Variants in TPD52 observed in about 807,000 individuals in gnomAD.
The protein encoded by TPD52 is tumor protein D52, also known as prostate and colon associated protein.
A neutral mutation model predicts 31.3 loss-of-function variants in TPD52; 17 were observed. That is an observed-to-expected ratio of 0.54 (90% CI 0.37 to 0.82). TPD52 has a LOEUF of 0.82. TPD52 is among the 40% of genes least tolerant of loss of function. The pLI, the probability that TPD52 is intolerant of heterozygous loss-of-function variation, is 0.00. For synonymous variants in TPD52, 83 were observed against 89.6 expected, an observed-to-expected ratio of 0.93 and a Z score of 0.42; for missense variants, 212 against 240.1, an observed-to-expected ratio of 0.88 and a Z score of 0.77.
intron 3 of TPD52, among the ~76,000 whole-genome samples, chr8:80,052,306 C>CA (rs1454721326): frequency 1.3e-5 from 2 of 151,900 alleles, no homozygotes; most frequent in Admixed American, 6.6e-5. Flanking sequence ...AAAGCAAAAA[C>CA]AAAAAAATGA....
rs1809894963 is a variant in TPD52 at position 80,036,208 on chromosome 8, T to C, written c.*1908A>G. On this transcript the variant is annotated 3_prime_UTR_variant, in exon 8 of 8. Transcript: ENST00000518937. Reference sequence around the variant, plus strand: ...AAGAGACTTGAGGGTATTTCACTCATCTAAAGAAATTGCCACTTTACTCCA... The same window carrying C: ...AAGAGACTTGAGGGTATTTCACTCACCTAAAGAAATTGCCACTTTACTCCA... 6.6e-6 allele frequency: 1 copy of C among 152,412 alleles called. No homozygotes were observed. The highest frequency in any genetic ancestry group is 2.4e-5 in the African/African-American group (1 of 41,450). 9.4% of individuals were successfully genotyped at this position (152,412 alleles called of 1,614,324 possible). A position where few individuals can be genotyped will look rare whatever the true frequency, so the allele number is the denominator to read the frequency against.
chr8:80,136,523 CAAAAAAAAAAAAAAA>C (rs56656428), intron 1 of TPD52, among the ~76,000 whole-genome samples: 6 of 67,096 alleles, frequency 8.9e-5, no homozygotes, highest in African/African-American at 1.8e-4. Flanking sequence ...GACTCTGTCT[CAAAAAAAAAAAAAAA>C]AAAAAAAAAA....
At chr8:80,116,815 G>C (rs1807898180) in intron 1 of TPD52, among the ~76,000 whole-genome samples, 1 of 150,506 alleles carries the variant, frequency 6.6e-6, no homozygotes, top group Non-Finnish European at 1.5e-5. Flanking sequence ...TGAGCAAGTA[G>C]AATTTATCCC....
intron 1 of TPD52, among the ~76,000 whole-genome samples, chr8:80,069,006 T>G (rs2114205): frequency 0.021 from 3,135 of 152,198 alleles, 114 homozygotes; most frequent in African/African-American, 0.07. Context: ...AATAAATCAA[T>G]AGAATAGACA....
chr8:80,091,544 A>G (rs1816276426), intron 1 of TPD52, among the ~76,000 whole-genome samples: 1 of 152,112 alleles, frequency 6.6e-6, no homozygotes, highest in Non-Finnish European at 1.5e-5. Context: ...TGCCACTGTC[A>G]TTGTCAGATC....
intron 1 of TPD52, among the ~76,000 whole-genome samples, chr8:80,132,213 T>C (rs537323001): frequency 6.6e-5 from 10 of 151,908 alleles, no homozygotes; most frequent in Non-Finnish European, 1.2e-4. Flanking sequence ...TTGTTAAAAT[T>C]GTGATTGCTA....
At chr8:80,140,706 G>A (rs1177270674) in intron 1 of TPD52, among the ~76,000 whole-genome samples, 1 of 152,054 alleles carries the variant, frequency 6.6e-6, no homozygotes, top group African/African-American at 2.4e-5. Context: ...GGTTGAAGGT[G>A]GTAACAAATT....
At chr8:80,113,596 C>A (rs1586324822) in intron 1 of TPD52, among the ~76,000 whole-genome samples, 1 of 151,952 alleles carries the variant, frequency 6.6e-6, no homozygotes, top group Non-Finnish European at 1.5e-5. Flanking sequence ...TACTATGCTG[C>A]CATAAAAAAG....
chr8:80,067,497 G>A lies in TPD52; in HGVS notation c.20-2904C>T, dbSNP rs1010055640. 6 of 152,130 alleles carry A rather than the reference G, an allele frequency of 3.9e-5. No homozygotes were observed. The East Asian group carries it at 1.2e-3, about 29-fold the overall frequency. The allele number at this position is 152,130 out of a possible 1,614,324, so 9.4% of individuals were successfully genotyped here. ...CATGACAGAGTGCATTCCATTTACA[G>A]ACAAGTCCAAATTAAGTGTTTTAAA... On this transcript the variant is annotated intron_variant, in intron 1 of 7. Coordinates refer to ENST00000518937, the MANE Select transcript of TPD52 (RefSeq NM_001025253.3).
chr8:80,073,740 C>T (rs567993538), intron 1 of TPD52, among the ~76,000 whole-genome samples: 1 of 152,186 alleles, frequency 6.6e-6, no homozygotes, highest in Non-Finnish European at 1.5e-5. Flanking sequence ...TTATATATTG[C>T]ATTCTCACTT....
intron 1 of TPD52, among the ~76,000 whole-genome samples, chr8:80,154,308 G>C (rs2131214440): frequency 6.6e-6 from 1 of 152,300 alleles, no homozygotes; most frequent in South Asian, 2.1e-4. Flanking sequence ...GAAGAGGCAG[G>C]CCCAGCCCGC....
intron 1 of TPD52, chr8:80,064,979 C>T: frequency 2.7e-6 from 1 of 377,182 alleles, no homozygotes; most frequent in Non-Finnish European, 5.1e-6. Flanking sequence ...TAACCCAGGG[C>T]AGGAGTTTGC....
intron 1 of TPD52, among the ~76,000 whole-genome samples, chr8:80,136,547 A>AGT (rs2131115852): frequency 7.0e-6 from 1 of 142,732 alleles, no homozygotes; most frequent in Non-Finnish European, 1.5e-5. Flanking sequence ...AAAAAAAAAA[A>AGT]AAAAGAAAAC....
chr8:80,128,446 G>A (rs1046623748), intron 1 of TPD52, among the ~76,000 whole-genome samples: 1 of 135,360 alleles, frequency 7.4e-6, no homozygotes, highest in Non-Finnish European at 1.5e-5. Flanking sequence ...CTTGAGCTCA[G>A]GAGTTCAAGA....
intron 1 of TPD52, among the ~76,000 whole-genome samples, chr8:80,093,389 C>T (rs900086954): frequency 5.3e-5 from 8 of 152,062 alleles, no homozygotes; most frequent in African/African-American, 1.9e-4. Context: ...TGCATAAACA[C>T]AAGCGACTGT....
At chr8:80,062,618 A>T (rs1463822346) in intron 2 of TPD52, among the ~76,000 whole-genome samples, 2 of 152,190 alleles carry the variant, frequency 1.3e-5, no homozygotes, top group Non-Finnish European at 2.9e-5. Context: ...TGCTGATGGG[A>T]ATATTAAATG....
intron 1 of TPD52, among the ~76,000 whole-genome samples, chr8:80,125,499 AG>A (rs753348233): frequency 5.3e-5 from 8 of 152,190 alleles, no homozygotes; most frequent in Non-Finnish European, 7.3e-5. Flanking sequence ...GTGGCAATTA[AG>A]AAGCCAAAAG....
chr8:80,038,755 G>A (rs1810102376), intron 7 of TPD52, among the ~76,000 whole-genome samples: 1 of 152,122 alleles, frequency 6.6e-6, no homozygotes, highest in African/African-American at 2.4e-5. Flanking sequence ...TATTAGAAAT[G>A]CAGGATCTCA....
chr8:80,086,101 CTTTTTTTTTTTTTTAG>C (rs1186925281), intron 1 of TPD52, among the ~76,000 whole-genome samples: 5 of 112,674 alleles, frequency 4.4e-5, no homozygotes, highest in Admixed American at 9.8e-5. Context: ...GGTTTTTTTG[CTTTTTTTTTTTTTTAG>C]TTTTTTTTTT....
Sources: gnomAD v4.1 joint callset for allele counts (sites outside exome capture counted in the v4.1 genomes callset) on GRCh38, gnomAD v4.1.1 for gene constraint, MANE v1.5 for transcripts, NCBI Gene and HGNC (gene_info 2026-07-23, HGNC 2026-07-21) for gene names.